The following IQCJ variants were observed in gnomAD, a reference collection of about 807,000 sequenced individuals.
The protein encoded by IQCJ is IQ domain-containing protein J.
IQCJ carries 9 observed loss-of-function variants against 11.0 expected under a neutral mutation model. That is an observed-to-expected ratio of 0.82 (90% CI 0.49 to 1.43). IQCJ has a LOEUF of 1.43. IQCJ is among the 40% of genes most tolerant of loss of function. The probability of loss-of-function intolerance (pLI) is 0.00; values close to 1 mark genes in which losing one functional copy is unlikely to be tolerated. For synonymous variants in IQCJ, 55 were observed against 51.3 expected, an observed-to-expected ratio of 1.07 and a Z score of -0.31; for missense variants, 146 against 133.2, an observed-to-expected ratio of 1.10 and a Z score of -0.47.
At position 159,237,880 on chromosome 3, in the gene IQCJ, T is replaced by C. The variant is rs1453380078; in HGVS notation, c.10-7963T>C. On this transcript the variant is annotated intron_variant, in intron 1 of 3. Transcript: ENST00000397832. ...ATGATTAGTTAAGTTTATTGGTTTA[T>C]AGAAAAAGAATTGCAAAGACAGGGC... Among the ~76,000 whole-genome samples the C allele has an allele frequency of 2.6e-5, 4 of 152,312 alleles. No homozygotes were observed. The East Asian group carries it at 7.7e-4, about 29-fold the overall frequency.
At chr3:159,084,264 G>A (rs1716544603) in intron 1 of IQCJ, among the ~76,000 whole-genome samples, 1 of 149,248 alleles carries the variant, frequency 6.7e-6, no homozygotes, top group Non-Finnish European at 1.5e-5. Context: ...AAAAAAATAG[G>A]GAGAAAAATG....
intron 1 of IQCJ, among the ~76,000 whole-genome samples, chr3:159,177,818 A>C (rs1463850093): frequency 6.6e-6 from 1 of 152,212 alleles, no homozygotes; most frequent in Non-Finnish European, 1.5e-5. Context: ...GAGGGGAGGG[A>C]GAAAGTATGA....
intron 1 of IQCJ, among the ~76,000 whole-genome samples, chr3:159,139,386 G>A (rs186295058): frequency 8.5e-4 from 129 of 152,302 alleles, no homozygotes; most frequent in Non-Finnish European, 1.3e-3. Context: ...TTTGCTGTGA[G>A]ACTGTGTGAC....
chr3:159,201,025 A>G (rs992182845), intron 1 of IQCJ, among the ~76,000 whole-genome samples: 5 of 152,228 alleles, frequency 3.3e-5, no homozygotes, highest in Non-Finnish European at 7.3e-5. Flanking sequence ...AGAGACAAAT[A>G]TAAGAAAGAA....
intron 1 of IQCJ, among the ~76,000 whole-genome samples, chr3:159,073,466 G>C (rs1715718335): frequency 6.6e-6 from 1 of 152,134 alleles, no homozygotes; most frequent in Admixed American, 6.5e-5. Flanking sequence ...GTGCTGAGTG[G>C]GCACCTCAGA....
At chr3:159,182,485 C>A (rs184475185) in intron 1 of IQCJ, among the ~76,000 whole-genome samples, 3 of 152,098 alleles carry the variant, frequency 2.0e-5, no homozygotes, top group African/African-American at 7.3e-5. Context: ...CCTCAGACAC[C>A]GAGTTAAAGA....
At position 159,089,270 on chromosome 3, in the gene IQCJ, C is replaced by G. The variant is rs546097589; in HGVS notation, c.9+19829C>G. Among the ~76,000 whole-genome samples the G allele has an allele frequency of 9.6e-4, 146 of 152,260 alleles. 1 individual carries two copies. Among genetic ancestry groups the G allele is most frequent in the East Asian group, 3.1e-3 (16 of 5,172 alleles). On this transcript the variant is annotated intron_variant, in intron 1 of 3. Transcript: ENST00000397832. ...GCCCCCACTCTCTTCTGGCTTGTAGCGTTTCTGCCGAAAGATCCGCTGTTA... is the reference window on the plus strand; with the variant it reads ...GCCCCCACTCTCTTCTGGCTTGTAGGGTTTCTGCCGAAAGATCCGCTGTTA...
chr3:159,074,669 A>G (rs1715798496), intron 1 of IQCJ, among the ~76,000 whole-genome samples: 1 of 152,156 alleles, frequency 6.6e-6, no homozygotes. Context: ...TTAAGGCATC[A>G]AAGACAAAAG....
chr3:159,195,745 C>T (rs73877546), intron 1 of IQCJ, among the ~76,000 whole-genome samples: 15,273 of 152,198 alleles, frequency 0.1, 2,587 homozygotes, highest in African/African-American at 0.35. Flanking sequence ...CTATCACCCC[C>T]GTAGTGCAAT....
chr3:159,140,604 C>T (rs1460849419), intron 1 of IQCJ, among the ~76,000 whole-genome samples: 1 of 152,162 alleles, frequency 6.6e-6, no homozygotes, highest in East Asian at 1.9e-4. Context: ...CAGAGTGTGA[C>T]ACAGAGGCAG....
intron 1 of IQCJ, among the ~76,000 whole-genome samples, chr3:159,153,878 A>G (rs752763934): frequency 1.3e-5 from 2 of 152,216 alleles, no homozygotes; most frequent in Non-Finnish European, 2.9e-5. Flanking sequence ...CTGTGGTTGT[A>G]GAGTTGGCTA....
chr3:159,090,650 G>T (rs978760093), intron 1 of IQCJ, among the ~76,000 whole-genome samples: 1 of 151,776 alleles, frequency 6.6e-6, no homozygotes, highest in Non-Finnish European at 1.5e-5. Context: ...AGGAAGCTGA[G>T]GTGAGAGTAG....
intron 1 of IQCJ, among the ~76,000 whole-genome samples, chr3:159,158,268 C>CAG (rs748708491): frequency 6.6e-6 from 1 of 152,188 alleles, no homozygotes; most frequent in South Asian, 2.1e-4. Context: ...ATGTATCTTA[C>CAG]AGAGCCATTG....
intron 1 of IQCJ, among the ~76,000 whole-genome samples, chr3:159,172,362 A>C (rs1187933161): frequency 1.3e-5 from 2 of 152,214 alleles, no homozygotes; most frequent in Admixed American, 6.5e-5. Flanking sequence ...AAGTATACAT[A>C]GAAAAAGTAT....
At chr3:159,256,888 T>C (rs578236547) in intron 3 of IQCJ, among the ~76,000 whole-genome samples, 2 of 152,316 alleles carry the variant, frequency 1.3e-5, no homozygotes, top group East Asian at 3.9e-4. Flanking sequence ...ATTTGTCAAG[T>C]TTGGGCTAAG....
In IQCJ at chr3:159,155,339, G is replaced by T. The variant is rs539752425; in HGVS notation, c.9+85898G>T. Among the ~76,000 whole-genome samples the T allele has an allele frequency of 3.9e-5, 6 of 152,216 alleles. No homozygotes were observed. In the South Asian group the frequency reaches 1.2e-3, roughly 32 times the overall value. On this transcript the variant is annotated intron_variant, in intron 1 of 3. Transcript: ENST00000397832. ...CACCTGACTAACTGTTGTATTTTTG[G>T]TAGAGATGGGGTTTCACCATGTTGG...
chr3:159,249,152 A>C (rs1473167164), intron 2 of IQCJ, among the ~76,000 whole-genome samples: 1 of 152,142 alleles, frequency 6.6e-6, no homozygotes, highest in African/African-American at 2.4e-5. Flanking sequence ...CACTGCGCTC[A>C]ACCCATTATT....
chr3:159,249,166 C>G (rs908900396), intron 2 of IQCJ, among the ~76,000 whole-genome samples: 2 of 152,078 alleles, frequency 1.3e-5, no homozygotes, highest in African/African-American at 2.4e-5. Flanking sequence ...CATTATTGAT[C>G]TTAACGTAGG....
At chr3:159,126,692 C>G (rs1719695735) in intron 1 of IQCJ, among the ~76,000 whole-genome samples, 1 of 152,182 alleles carries the variant, frequency 6.6e-6, no homozygotes, top group African/African-American at 2.4e-5. Context: ...TGAGAGCACA[C>G]CCAATGACTT....
Sources: allele counts gnomAD v4.1 joint callset (sites outside exome capture counted in the v4.1 genomes callset), GRCh38; gene constraint gnomAD v4.1.1; transcripts MANE v1.5; gene names NCBI Gene and HGNC (gene_info 2026-07-23, HGNC 2026-07-21).